The following RUNX1T1 variants were observed in gnomAD, a reference collection of about 807,000 sequenced individuals.
RUNX1T1 encodes protein CBFA2T1.
Under a neutral mutation model 62.8 loss-of-function variants are expected in RUNX1T1, and 4 were observed. The observed-to-expected ratio is 0.06, with a 90% CI of 0.03 to 0.15. The LOEUF (loss-of-function observed/expected upper bound fraction) is 0.15, where lower values mean the gene tolerates loss of function less well. Among genes scored for constraint, RUNX1T1 ranks in the 10% least tolerant of loss-of-function variants. The probability of loss-of-function intolerance (pLI) is 1.00; values close to 1 mark genes in which losing one functional copy is unlikely to be tolerated. For missense variants in RUNX1T1, 508 were observed against 754.3 expected, an observed-to-expected ratio of 0.67 and a Z score of 3.82; for synonymous variants, 291 against 286.0, an observed-to-expected ratio of 1.02 and a Z score of -0.18.
intron 1 of RUNX1T1, among the ~76,000 whole-genome samples, chr8:92,021,332 A>C (rs1024977148): frequency 2.0e-5 from 3 of 152,158 alleles, no homozygotes; most frequent in Non-Finnish European, 4.4e-5. Flanking sequence ...GATGCTATGT[A>C]GTGACTCCAA....
At chr8:92,059,976 T>G (rs1233045919) in intron 1 of RUNX1T1, among the ~76,000 whole-genome samples, 1 of 152,136 alleles carries the variant, frequency 6.6e-6, no homozygotes, top group African/African-American at 2.4e-5. Flanking sequence ...TATTGTCCTT[T>G]TAAGGAAATA....
In RUNX1T1 at chr8:92,075,760, C is replaced by T. The variant is rs142185448; in HGVS notation, c.88+205G>A. Among the ~76,000 whole-genome samples the T allele has an allele frequency of 4.8e-4, 73 of 152,226 alleles. 4 individuals are homozygous for T. The highest frequency in any genetic ancestry group is 4.5e-3 in the Admixed American group (69 of 15,282). The stretch of plus-strand genomic sequence containing the variant: ...TATATTCAGACCCAAAACTATCAAA[C>T]AGGGTTCCCACCACCAGATTGATCC... On this transcript the variant is annotated intron_variant, in intron 2 of 11. Transcript: ENST00000265814.
In RUNX1T1 at chr8:92,010,987, T is replaced by A; in HGVS notation, c.477+15A>T. On this transcript the variant is annotated intron_variant, in intron 4 of 10. Coordinates refer to ENST00000396218, the Ensembl canonical transcript of RUNX1T1. ...TGGTTTAAAATACTTTACAGACCAG[T>A]GAACTGTGCAATACCTTCAAAAATG... The A allele has an allele frequency of 7.0e-7, 1 of 1,436,324 alleles. No homozygotes were observed. Among genetic ancestry groups the A allele is most frequent in the Non-Finnish European group, 9.8e-7 (1 of 1,018,006 alleles). 89.0% of individuals were successfully genotyped at this position (1,436,324 alleles called of 1,614,324 possible).
chr8:91,960,911 CAGA>C (rs1018561091), intron 10 of RUNX1T1, among the ~76,000 whole-genome samples: 8 of 152,158 alleles, frequency 5.3e-5, no homozygotes, highest in African/African-American at 1.4e-4. Flanking sequence ...TATATCTGAG[CAGA>C]AGCTTCTTCC....
At chr8:92,057,510 C>CA (rs1831229016) in intron 1 of RUNX1T1, among the ~76,000 whole-genome samples, 4 of 152,246 alleles carry the variant, frequency 2.6e-5, no homozygotes, top group Admixed American at 1.3e-4. Context: ...CACAGCCTGG[C>CA]ATATATAGGC....
At chr8:92,081,883 T>C (rs1255980944) in intron 1 of RUNX1T1, among the ~76,000 whole-genome samples, 2 of 151,962 alleles carry the variant, frequency 1.3e-5, no homozygotes, top group African/African-American at 2.4e-5. Flanking sequence ...TGTGGTATTT[T>C]ATTTATTTAT....
intron 1 of RUNX1T1, among the ~76,000 whole-genome samples, chr8:92,051,851 C>T (rs1830303464): frequency 6.6e-6 from 1 of 151,848 alleles, no homozygotes; most frequent in South Asian, 2.1e-4. Flanking sequence ...AGTACATGTC[C>T]CATCAAACCT....
chr8:92,021,247 A>T (rs1051383162), intron 1 of RUNX1T1, among the ~76,000 whole-genome samples: 2 of 152,246 alleles, frequency 1.3e-5, no homozygotes, highest in Non-Finnish European at 2.9e-5. Flanking sequence ...GAAGGAAGCT[A>T]GAGAGGCATC....
At chr8:91,982,658 A>G (rs1815595002) in intron 8 of RUNX1T1, among the ~76,000 whole-genome samples, 1 of 152,212 alleles carries the variant, frequency 6.6e-6, no homozygotes, top group African/African-American at 2.4e-5. Context: ...TAGAGACAGC[A>G]GTGTTAAAAT....
intron 1 of RUNX1T1, among the ~76,000 whole-genome samples, chr8:92,043,830 T>C (rs1469396542): frequency 1.3e-5 from 2 of 151,620 alleles, no homozygotes; most frequent in African/African-American, 2.4e-5. Flanking sequence ...TACAAAAAAT[T>C]AGGTGGGCAT....
At chr8:91,988,180 G>A (rs1318356089) in intron 6 of RUNX1T1, among the ~76,000 whole-genome samples, 1 of 152,056 alleles carries the variant, frequency 6.6e-6, no homozygotes, top group Non-Finnish European at 1.5e-5. Context: ...TCACATGACT[G>A]TTCAGCCAAC....
At chr8:92,047,744 T>C (rs565896584) in intron 1 of RUNX1T1, among the ~76,000 whole-genome samples, 1 of 150,158 alleles carries the variant, frequency 6.7e-6, no homozygotes, top group Non-Finnish European at 1.5e-5. Context: ...TACTAGGCAC[T>C]ATGGATTTAA....
rs373267575 is a variant in RUNX1T1, at chr8:91,993,757, C to T, written c.660-1868G>A. On this transcript the variant is annotated intron_variant, in intron 5 of 10. Transcript: ENST00000396218. ...CTGTAATCCCAGCACTTTGCGAGGC[C>T]GAGGCGGGAGGATCACCTGAGGTCA... 1.1e-4 allele frequency among the ~76,000 whole-genome samples: 17 copies of T among 152,096 alleles called. 1 individual carries two copies. In the East Asian group the frequency reaches 3.1e-3, roughly 28 times the overall value.
At chr8:91,971,796 G>C (rs1812886788) in intron 9 of RUNX1T1, among the ~76,000 whole-genome samples, 1 of 152,070 alleles carries the variant, frequency 6.6e-6, no homozygotes, top group African/African-American at 2.4e-5. Context: ...TGTCAAATAA[G>C]CTCTTTATTT....
At chr8:92,054,961 C>G (rs368947358) in intron 1 of RUNX1T1, among the ~76,000 whole-genome samples, 1 of 151,936 alleles carries the variant, frequency 6.6e-6, no homozygotes, top group Admixed American at 6.6e-5. Flanking sequence ...GCCAAGATTG[C>G]GCCACTGCAC....
intron 1 of RUNX1T1, among the ~76,000 whole-genome samples, chr8:92,089,420 G>A (rs773477201): frequency 6.6e-6 from 1 of 152,106 alleles, no homozygotes; most frequent in Non-Finnish European, 1.5e-5. Context: ...AGATGATAAT[G>A]TGCCCATGTT....
intron 1 of RUNX1T1, among the ~76,000 whole-genome samples, chr8:92,083,843 C>T (rs1835669127): frequency 6.6e-6 from 1 of 152,144 alleles, no homozygotes; most frequent in African/African-American, 2.4e-5. Context: ...AGACTTGGAA[C>T]CAACCCAAAC....
intron 1 of RUNX1T1, among the ~76,000 whole-genome samples, chr8:92,094,850 T>G (rs1222815501): frequency 2.0e-5 from 3 of 152,144 alleles, no homozygotes; most frequent in African/African-American, 7.2e-5. Flanking sequence ...AGTCTCACCT[T>G]AAAATAAAAA....
intron 10 of RUNX1T1, among the ~76,000 whole-genome samples, chr8:91,964,918 A>C (rs1477562708): frequency 1.3e-5 from 2 of 152,192 alleles, no homozygotes; most frequent in Non-Finnish European, 2.9e-5. Context: ...TAGAACCACA[A>C]GCCACTTACT....
Sources: allele counts gnomAD v4.1 joint callset (sites outside exome capture counted in the v4.1 genomes callset), GRCh38; gene constraint gnomAD v4.1.1; transcripts MANE v1.5; gene names NCBI Gene and HGNC (gene_info 2026-07-23, HGNC 2026-07-21).